Variants in RTN3 observed in about 807,000 individuals in gnomAD.
The protein encoded by RTN3 is reticulon 3, also known as reticulon-3.
Under a neutral mutation model 77.8 loss-of-function variants are expected in RTN3, and 49 were observed. The observed-to-expected ratio is 0.63, with a 90% CI of 0.50 to 0.80. The LOEUF (loss-of-function observed/expected upper bound fraction) is 0.80, where lower values mean the gene tolerates loss of function less well. RTN3 is among the 30% of genes least tolerant of loss of function. The pLI, the probability that RTN3 is intolerant of heterozygous loss-of-function variation, is 0.00. For missense variants in RTN3, 1,236 were observed against 1,211.9 expected, an observed-to-expected ratio of 1.02 and a Z score of -0.29; for synonymous variants, 464 against 446.9, an observed-to-expected ratio of 1.04 and a Z score of -0.48.
chr11:63,719,080 G>A lies in RTN3; in HGVS notation c.578G>A (p.Arg193Lys), dbSNP rs140371416. 6.2e-7 allele frequency: 1 copy of A among 1,614,166 alleles called. No homozygotes were observed. Among genetic ancestry groups the A allele is most frequent in the Non-Finnish European group, 8.5e-7 (1 of 1,180,026 alleles). Residue 193 changes from arginine (R) to lysine (K), a missense_variant, in exon 3 of 9, where the codon AGG becomes AAG. Arg to Lys is a conservative substitution (Grantham distance 26). Transcript: ENST00000377819. Reference sequence around the variant, plus strand: ...AAGAACCCAAATGGGGTATCAAGTAGGGAGGCTAAAACTGCATTGGATGCT... The same window carrying A: ...AAGAACCCAAATGGGGTATCAAGTAAGGAGGCTAAAACTGCATTGGATGCT... ...ETKNPNGVSS[R>K]EAKTALDADD...
In RTN3 at chr11:63,719,753, T is replaced by C. The variant is rs1233752391; in HGVS notation, c.1251T>C (p.Thr417=). 1 of 1,614,174 alleles carries C rather than the reference T, an allele frequency of 6.2e-7. No individual in the cohort carries two copies. Among genetic ancestry groups the C allele is most frequent in the East Asian group, 2.2e-5 (1 of 44,892 alleles). The change falls in exon 3 of 9, where the codon ACT becomes ACC. Residue 417 remains threonine, a synonymous_variant. Transcript: ENST00000377819. The stretch of plus-strand genomic sequence containing the variant: ...CTCTCCAGCAAGAAAATGCTATTAC[T>C]GGAAAACCTGTACCTGACTCTTTGA... ...EASLQQENAI[T]GKPVPDSLNS... is the part of the protein sequence containing the mutation.
At chr11:63,753,934 C>T (rs983299202) in intron 7 of RTN3, among the ~76,000 whole-genome samples, 1 of 152,180 alleles carries the variant, frequency 6.6e-6, no homozygotes, top group Non-Finnish European at 1.5e-5. Context: ...CCTTTTTATA[C>T]TTGTGTGCCT....
At position 63,686,635 on chromosome 11, in the gene RTN3, G is replaced by C. The variant is rs181601023; in HGVS notation, c.142+4857G>C. 2.6e-5 allele frequency among the ~76,000 whole-genome samples: 4 copies of C among 152,206 alleles called. No individual in the cohort carries two copies. The East Asian group carries it at 5.8e-4, about 22-fold the overall frequency. On this transcript the variant is annotated intron_variant, in intron 1 of 8. Transcript: ENST00000377819. ...AGCTCACGAGTTTGAGACCAGCCTG[G>C]ACAATAGTGGTGAAACCCCATCTCT...
rs751179288 is a variant in RTN3 at position 63,753,075 on chromosome 11, G to A, written c.2884G>A (p.Val962Ile). The change falls in exon 6 of 9, where the codon GTC becomes ATC. Residue 962 changes from valine (V) to isoleucine (I), a missense_variant. By Grantham distance (29) the Val-to-Ile change is conservative. Transcript: ENST00000377819. ...TTTGATATGGCCTTCACAGCTGGCT[G>A]TCTTCATGTGGCTGATGACCTATGT... is the stretch of plus-strand genomic sequence containing the variant. ...EDLVDSLKLAVFMWLMTYVGA... is the reference protein window; with the variant it reads ...EDLVDSLKLAIFMWLMTYVGA... 1 of 1,614,034 alleles carries A rather than the reference G, an allele frequency of 6.2e-7. No individual in the cohort carries two copies. Among genetic ancestry groups the A allele is most frequent in the East Asian group, 2.2e-5 (1 of 44,884 alleles).
chr11:63,703,562 T>C (rs953672767), intron 1 of RTN3, among the ~76,000 whole-genome samples: 2 of 151,704 alleles, frequency 1.3e-5, no homozygotes, highest in Non-Finnish European at 1.5e-5. Context: ...TTTTTTTTTT[T>C]TGAGACGTCT....
At chr11:63,744,564 A>G (rs1245701907) in intron 3 of RTN3, among the ~76,000 whole-genome samples, 1 of 152,230 alleles carries the variant, frequency 6.6e-6, no homozygotes, top group East Asian at 1.9e-4. Context: ...CATTAAAAAA[A>G]TACAGTAAAA....
In RTN3 at chr11:63,719,807, TG is replaced by T; in HGVS notation, c.1306del (p.Val436CysfsTer33). 6.2e-7 allele frequency: 1 copy of T among 1,614,126 alleles called. No individual in the cohort carries two copies. Among genetic ancestry groups the T allele is most frequent in the Non-Finnish European group, 8.5e-7 (1 of 1,180,016 alleles). Reference sequence around the variant, plus strand: ...CCACAAAAGAATTCAGTATCAAAGGTGTGCAAGGCAATATGCAGAAACAGGA... The same window carrying T: ...CCACAAAAGAATTCAGTATCAAAGGTTGCAAGGCAATATGCAGAAACAGGA... ...NSTKEFSIKG[V>X]QGNMQKQDDT... is the part of the protein sequence containing the mutation. On this transcript the variant is annotated frameshift_variant, in exon 3 of 9. Transcript: ENST00000377819. LOFTEE classifies it high-confidence loss of function.
intron 2 of RTN3, among the ~76,000 whole-genome samples, chr11:63,709,694 C>G (rs1052349263): frequency 6.6e-6 from 1 of 151,934 alleles, no homozygotes; most frequent in African/African-American, 2.4e-5. Flanking sequence ...GATGCTGTGG[C>G]TGCAAGTTGT....
chr11:63,711,816 A>G (rs759736439), intron 2 of RTN3, among the ~76,000 whole-genome samples: 3 of 152,124 alleles, frequency 2.0e-5, no homozygotes, highest in African/African-American at 4.8e-5. Context: ...CACCTGCCTC[A>G]GCATCCCAAA....
chr11:63,697,045 C>T (rs973969926), intron 1 of RTN3, among the ~76,000 whole-genome samples: 6 of 151,360 alleles, frequency 4.0e-5, no homozygotes, highest in Non-Finnish European at 7.4e-5. Context: ...CCACCATACC[C>T]GACTAATTTT....
At chr11:63,750,454 TC>T (rs2014040794) in intron 4 of RTN3, 11 of 427,582 alleles carry the variant, frequency 2.6e-5, no homozygotes, top group Non-Finnish European at 3.8e-5. Context: ...GACTCTAAAT[TC>T]TTTTTTTTTT....
chr11:63,684,735 G>A (rs1941275547), intron 1 of RTN3, among the ~76,000 whole-genome samples: 2 of 152,078 alleles, frequency 1.3e-5, no homozygotes, highest in African/African-American at 4.8e-5. Context: ...TCAAATTTAC[G>A]AGCTAGAAAG....
rs780452105 is a variant in RTN3 at position 63,752,592 on chromosome 11, C to T, written c.2824C>T (p.Leu942=). The T allele has an allele frequency of 2.5e-6, 4 of 1,613,586 alleles. No individual in the cohort carries two copies. Among genetic ancestry groups the T allele is most frequent in the Non-Finnish European group, 2.5e-6 (3 of 1,179,818 alleles). ...TGCCATGGTGCACATCAACAGGGCC[C>T]TGAAACTCATTATTCGTCTCTTTCT... The part of the protein sequence containing the change: ...NAAMVHINRA[L]KLIIRLFLVE... The change falls in exon 5 of 9, where the codon CTG becomes TTG. Residue 942 remains leucine, a synonymous_variant. Coordinates refer to ENST00000377819, the MANE Select transcript of RTN3 (RefSeq NM_001265589.2).
At chr11:63,713,588 G>A (rs963185237) in intron 2 of RTN3, among the ~76,000 whole-genome samples, 7 of 152,236 alleles carry the variant, frequency 4.6e-5, no homozygotes, top group Non-Finnish European at 8.8e-5. Flanking sequence ...TAGGATTACA[G>A]GCATGAGCCA....
At chr11:63,701,284 T>C (rs1404597705) in intron 1 of RTN3, among the ~76,000 whole-genome samples, 2 of 152,166 alleles carry the variant, frequency 1.3e-5, no homozygotes, top group African/African-American at 4.8e-5. Context: ...ACTGGGCCAG[T>C]ATGTTGCCCT....
At chr11:63,697,538 C>T (rs1368259854) in intron 1 of RTN3, among the ~76,000 whole-genome samples, 1 of 151,804 alleles carries the variant, frequency 6.6e-6, no homozygotes, top group African/African-American at 2.4e-5. Context: ...TGCAATGGTG[C>T]GATACTGGCT....
At chr11:63,740,592 T>TGG (rs1361235008) in intron 3 of RTN3, among the ~76,000 whole-genome samples, 3 of 151,482 alleles carry the variant, frequency 2.0e-5, no homozygotes, top group Non-Finnish European at 4.4e-5. Context: ...CCACCGCGCC[T>TGG]GGCCTTTTTT....
At chr11:63,744,969 G>A (rs1326519286) in intron 3 of RTN3, among the ~76,000 whole-genome samples, 5 of 152,260 alleles carry the variant, frequency 3.3e-5, no homozygotes, top group South Asian at 2.1e-4. Context: ...TCCAACCTGG[G>A]CGATACAACC....
chr11:63,744,580 ATATTC>A (rs1339375308), intron 3 of RTN3, among the ~76,000 whole-genome samples: 3 of 152,184 alleles, frequency 2.0e-5, no homozygotes, highest in African/African-American at 7.2e-5. Context: ...TAAAAATACA[ATATTC>A]TAATCTTATG....
Sources: allele counts gnomAD v4.1 joint callset (sites outside exome capture counted in the v4.1 genomes callset), GRCh38; gene constraint gnomAD v4.1.1; transcripts MANE v1.5; gene names NCBI Gene and HGNC (gene_info 2026-07-23, HGNC 2026-07-21).